LRP8: variants seen among roughly 807,000 people sequenced by gnomAD.
LRP8 encodes LDL receptor related protein 8.
Under a neutral mutation model 111.6 loss-of-function variants are expected in LRP8, and 46 were observed. That is an observed-to-expected ratio of 0.41 (90% CI 0.33 to 0.53). The LOEUF is 0.53. Among genes scored for constraint, LRP8 ranks in the 20% least tolerant of loss-of-function variants. The pLI, the probability that LRP8 is intolerant of heterozygous loss-of-function variation, is 0.20. For missense variants in LRP8, 959 were observed against 1,297.4 expected, an observed-to-expected ratio of 0.74 and a Z score of 4.01; for synonymous variants, 464 against 511.2, an observed-to-expected ratio of 0.91 and a Z score of 1.24.
rs1645748053 is a variant in LRP8 at position 53,247,053 on chromosome 1, C to G, written c.2857G>C (p.Val953Leu). 2 of 1,599,300 alleles carry G rather than the reference C, an allele frequency of 1.3e-6. No individual in the cohort carries two copies. The highest frequency in any genetic ancestry group is 1.7e-6 in the Non-Finnish European group (2 of 1,175,186). The change falls in exon 19 of 19, where the codon GTG becomes CTG. Residue 953 changes from valine to leucine, a missense_variant. Val to Leu is a conservative substitution (Grantham distance 32). Coordinates refer to ENST00000306052, the MANE Select transcript of LRP8 (RefSeq NM_004631.5). ...CCATCATCTTCAAGGCTTAATGCCA[C>G]TCGCTGGGGAGACAAACCAAAGAAT... ...SELPVVKSKR[V>L]ALSLEDDGLP
At chr1:53,310,595 A>G (rs1001305968) in intron 2 of LRP8, among the ~76,000 whole-genome samples, 1 of 152,150 alleles carries the variant, frequency 6.6e-6, no homozygotes, top group African/African-American at 2.4e-5. Flanking sequence ...GGGCTGGCTC[A>G]GAGGTCTCTG....
intron 9 of LRP8, 115 bp from the exon 10 acceptor site, chr1:53,264,511 A>G: frequency 2.5e-6 from 2 of 808,860 alleles, no homozygotes; most frequent in Non-Finnish European, 4.0e-6. Flanking sequence ...AGATTTTTAG[A>G]GGAACGTGGA....
rs1335730796 is a variant in LRP8, at chr1:53,279,918, A to G, written c.496+669T>C. On this transcript the variant is annotated intron_variant, in intron 4 of 18. Transcript: ENST00000306052. The surrounding 1 kb of genome is among the most constrained non-coding windows in gnomAD (Gnocchi z 4.4). ...CGAATTGAAAAAGTGAGGCCTGGCC[A>G]TGCTCCCCAATGGCCCAGGCCCTGC... Among the ~76,000 whole-genome samples, 1 of 152,230 alleles carries G rather than the reference A, an allele frequency of 6.6e-6. No individual in the cohort carries two copies. Among genetic ancestry groups the G allele is most frequent in the Non-Finnish European group, 1.5e-5 (1 of 68,030 alleles).
intron 2 of LRP8, among the ~76,000 whole-genome samples, chr1:53,308,642 C>T (rs748430133): frequency 6.6e-6 from 1 of 152,204 alleles, no homozygotes; most frequent in African/African-American, 2.4e-5. Context: ...ACCGCCCGGA[C>T]CTTGCCTGCT....
intron 3 of LRP8, among the ~76,000 whole-genome samples, chr1:53,281,195 G>A (rs1244692665): frequency 1.3e-5 from 2 of 152,168 alleles, no homozygotes; most frequent in Admixed American, 6.5e-5. Context: ...AGGCCCCAAC[G>A]GCTCCAATCG....
In LRP8 at chr1:53,242,680, G is replaced by C. The variant is rs1016253674; in HGVS notation, c.*4338C>G. ...AGACAAACAAGGAGAATCCACTTGG[G>C]AACAATTTGATGAAGTTTGCAAATC... is the stretch of plus-strand genomic sequence containing the variant. On this transcript the variant is annotated 3_prime_UTR_variant, in exon 19 of 19. Transcript: ENST00000306052. 1 of 151,872 alleles carries C rather than the reference G, an allele frequency of 6.6e-6. No homozygotes were observed. The highest frequency in any genetic ancestry group is 1.5e-5 in the Non-Finnish European group (1 of 68,002). 9.4% of individuals were successfully genotyped at this position (151,872 alleles called of 1,614,324 possible). A position where few individuals can be genotyped will look rare whatever the true frequency, so the allele number is the denominator to read the frequency against.
chr1:53,262,255 G>A lies in LRP8; in HGVS notation c.1775-48C>T. The A allele has an allele frequency of 6.2e-7, 1 of 1,609,308 alleles. No individual in the cohort carries two copies. Among genetic ancestry groups the A allele is most frequent in the South Asian group, 1.1e-5 (1 of 90,686 alleles). ...GTCATGAACCTGGGACCCCAGTCTG[G>A]AGCTCTGTTCCTTTGTACCTCTCCC... On this transcript the variant is annotated intron_variant, in intron 11 of 18. Coordinates refer to ENST00000306052, the MANE Select transcript of LRP8 (RefSeq NM_004631.5). This position sits in a 1 kb window ranked among gnomAD's most constrained non-coding sequence, Gnocchi z 4.8.
chr1:53,296,477 G>A (rs759387929), intron 2 of LRP8, among the ~76,000 whole-genome samples: 3 of 152,202 alleles, frequency 2.0e-5, no homozygotes, highest in Admixed American at 1.3e-4. Context: ...TACCCGGGTC[G>A]GGGAGATGAA....
At chr1:53,264,537 A>G in intron 9 of LRP8, 141 bp from the exon 10 acceptor site, 1 of 702,544 alleles carries the variant, frequency 1.4e-6, no homozygotes, top group Non-Finnish European at 2.4e-6. Context: ...TCCACTCTAC[A>G]CATTCCCTGG....
In LRP8 at chr1:53,279,424, G is replaced by T. The variant is rs4498750; in HGVS notation, c.496+1163C>A. Among the ~76,000 whole-genome samples, 319 of 152,280 alleles carry T rather than the reference G, an allele frequency of 2.1e-3. 2 individuals are homozygous for T. The highest frequency in any genetic ancestry group is 7.4e-3 in the African/African-American group (306 of 41,544). On this transcript the variant is annotated intron_variant, in intron 4 of 18. Coordinates refer to ENST00000306052, the MANE Select transcript of LRP8 (RefSeq NM_004631.5). The surrounding 1 kb of genome is among the most constrained non-coding windows in gnomAD (Gnocchi z 4.4). The stretch of plus-strand genomic sequence containing the variant: ...AGGAATCATCTGATTATGGGGCTTG[G>T]TAAAGAGGAAAGAGGATTCTCATTG...
chr1:53,277,148 G>T, intron 4 of LRP8, 70 bp from the exon 5 acceptor site: 1 of 1,366,070 alleles, frequency 7.3e-7, no homozygotes. Context: ...CGCTGGTCCG[G>T]CTACAGGGGC....
At chr1:53,308,681 G>A (rs1242590295) in intron 2 of LRP8, among the ~76,000 whole-genome samples, 1 of 152,166 alleles carries the variant, frequency 6.6e-6, no homozygotes, top group Non-Finnish European at 1.5e-5. Flanking sequence ...GAGGTGAGAG[G>A]CCCAAGGAGG....
chr1:53,282,148 C>A (rs1432886372), intron 3 of LRP8, among the ~76,000 whole-genome samples: 2 of 152,206 alleles, frequency 1.3e-5, no homozygotes, highest in Non-Finnish European at 2.9e-5. Context: ...GAAAAGGGCA[C>A]AGATGAGTTG....
In LRP8 at chr1:53,246,469, C is replaced by G. The variant is rs1328418297; in HGVS notation, c.*549G>C. On this transcript the variant is annotated 3_prime_UTR_variant, in exon 19 of 19. Coordinates refer to ENST00000306052, the MANE Select transcript of LRP8 (RefSeq NM_004631.5). ...CAAACATGCCAAAAATAAATACTCT[C>G]ACTTCTCTAAATTATTTATAGAACT... 1.3e-5 allele frequency: 2 copies of G among 152,278 alleles called. No homozygotes were observed. Among genetic ancestry groups the G allele is most frequent in the Admixed American group, 1.3e-4 (2 of 15,230 alleles). The allele number at this position is 152,278 out of a possible 1,614,324, so 9.4% of individuals were successfully genotyped here.
At chr1:53,283,517 C>A (rs1396029075) in intron 3 of LRP8, among the ~76,000 whole-genome samples, 1 of 127,666 alleles carries the variant, frequency 7.8e-6, no homozygotes, top group Non-Finnish European at 1.6e-5. Context: ...ACTACATACC[C>A]GGGCCACTTA....
chr1:53,316,063 C>T (rs1026156822), intron 2 of LRP8, among the ~76,000 whole-genome samples: 2 of 152,214 alleles, frequency 1.3e-5, no homozygotes, highest in East Asian at 1.9e-4. Context: ...TAAGAAGAAC[C>T]GACTGGCTCA....
intron 3 of LRP8, among the ~76,000 whole-genome samples, chr1:53,286,109 C>T (rs192817885): frequency 6.6e-5 from 10 of 152,212 alleles, no homozygotes; most frequent in Admixed American, 1.3e-4. Flanking sequence ...TGTCAACCCA[C>T]GTGAGTTTCA....
chr1:53,261,079 C>A (rs982148867), intron 12 of LRP8, among the ~76,000 whole-genome samples: 3 of 152,216 alleles, frequency 2.0e-5, no homozygotes, highest in Admixed American at 1.3e-4. Context: ...ACAGGTACAA[C>A]TGTGCATCCT....
chr1:53,324,434 G>A (rs544512052), intron 2 of LRP8, among the ~76,000 whole-genome samples: 21 of 152,262 alleles, frequency 1.4e-4, no homozygotes, highest in African/African-American at 4.6e-4. Flanking sequence ...TCATCCATCC[G>A]TTCCCTTCTT....
Sources: gnomAD v4.1 joint callset for allele counts (sites outside exome capture counted in the v4.1 genomes callset) on GRCh38, gnomAD v4.1.1 for gene constraint, Gnocchi (gnomAD v3.1) non-coding constraint, MANE v1.5 for transcripts, NCBI Gene and HGNC (gene_info 2026-07-23, HGNC 2026-07-21) for gene names.